FSTL5: variants seen among roughly 807,000 people sequenced by gnomAD.
FSTL5 encodes the protein follistatin like 5, also known as follistatin-related protein 5.
Under a neutral mutation model 89.1 loss-of-function variants are expected in FSTL5, and 62 were observed. That is an observed-to-expected ratio of 0.70 (90% CI 0.57 to 0.86). The LOEUF (loss-of-function observed/expected upper bound fraction) is 0.86. FSTL5 is among the 40% of genes least tolerant of loss of function. The pLI, the probability that FSTL5 is intolerant of heterozygous loss-of-function variation, is 0.00. For synonymous variants in FSTL5, 383 were observed against 346.2 expected (o/e 1.11, Z -1.18); for missense variants, 1,057 against 1,001.6 (o/e 1.06, Z -0.75).
At chr4:161,463,143 T>A (rs1348801929) in intron 13 of FSTL5, among the ~76,000 whole-genome samples, 1 of 152,122 alleles carries the variant, frequency 6.6e-6, no homozygotes, top group African/African-American at 2.4e-5. Context: ...AATTAGGATA[T>A]ACCTATTTGG....
intron 1 of FSTL5, among the ~76,000 whole-genome samples, chr4:162,116,830 C>A (rs1485073301): frequency 6.6e-6 from 1 of 152,202 alleles, no homozygotes; most frequent in African/African-American, 2.4e-5. Context: ...AAACTCCTCA[C>A]CCTGTCCTAG....
At chr4:161,832,769 C>G (rs1730890952) in intron 4 of FSTL5, among the ~76,000 whole-genome samples, 1 of 151,572 alleles carries the variant, frequency 6.6e-6, no homozygotes, top group South Asian at 2.1e-4. Context: ...ATTCTTCTCT[C>G]TTTTCTTCTT....
intron 3 of FSTL5, among the ~76,000 whole-genome samples, chr4:161,990,431 T>C (rs1050252808): frequency 9.3e-4 from 142 of 152,266 alleles, no homozygotes; most frequent in African/African-American, 3.1e-3. Flanking sequence ...ATTTAAAGCA[T>C]TTTAAATATG....
At chr4:161,992,865 T>A (rs1460260093) in intron 3 of FSTL5, among the ~76,000 whole-genome samples, 853 of 69,188 alleles carry the variant, frequency 0.012, 21 homozygotes, top group African/African-American at 0.036. Context: ...AAAAAAAATA[T>A]ATATATATAT....
intron 6 of FSTL5, among the ~76,000 whole-genome samples, chr4:161,662,039 G>A (rs1384139557): frequency 6.6e-6 from 1 of 152,028 alleles, no homozygotes; most frequent in Non-Finnish European, 1.5e-5. Flanking sequence ...AGCGATAACA[G>A]CAATACTTAG....
At chr4:161,976,230 G>A (rs775300416) in intron 3 of FSTL5, among the ~76,000 whole-genome samples, 8 of 152,102 alleles carry the variant, frequency 5.3e-5, no homozygotes, top group African/African-American at 7.2e-5. Context: ...CAGAAAGGCA[G>A]TAGATTACAG....
Position 162,100,553 on chromosome 4 carries a change from C to A in FSTL5, c.126+10718G>T, listed in dbSNP as rs571084537. ...AGAGGCAAAGCACAGATATTTAGGGCGATGAAACTATTTTGTCTGATACTA... is the reference window on the plus strand; with the variant it reads ...AGAGGCAAAGCACAGATATTTAGGGAGATGAAACTATTTTGTCTGATACTA... On this transcript the variant is annotated intron_variant, in intron 2 of 15. Transcript: ENST00000306100. 3.3e-5 allele frequency among the ~76,000 whole-genome samples: 5 copies of A among 152,080 alleles called. No homozygotes were observed. The East Asian group carries it at 9.7e-4, about 29-fold the overall frequency.
At chr4:161,569,914 A>G (rs1732949271) in intron 8 of FSTL5, among the ~76,000 whole-genome samples, 3 of 152,110 alleles carry the variant, frequency 2.0e-5, no homozygotes, top group Non-Finnish European at 4.4e-5. Context: ...GCAATCTAAC[A>G]ACAGAAGAAC....
intron 4 of FSTL5, among the ~76,000 whole-genome samples, chr4:161,778,506 C>T (rs1213851712): frequency 2.0e-5 from 3 of 152,092 alleles, no homozygotes; most frequent in Non-Finnish European, 2.9e-5. Context: ...CATTCTCTTT[C>T]GAGACAAAAT....
At chr4:161,551,196 AC>A (rs1405712812) in intron 8 of FSTL5, among the ~76,000 whole-genome samples, 1 of 149,746 alleles carries the variant, frequency 6.7e-6, no homozygotes, top group East Asian at 2.0e-4. Flanking sequence ...TTACAGTCCC[AC>A]CAACAGTGTA....
chr4:161,929,660 CGTGTGTGTGTGT>C (rs765281533), intron 3 of FSTL5, among the ~76,000 whole-genome samples: 14 of 126,934 alleles, frequency 1.1e-4, no homozygotes, highest in South Asian at 2.7e-4. Context: ...TAGGTAGGCA[CGTGTGTGTGTGT>C]GTGTGTGTGT....
chr4:161,820,092 C>T (rs905355462), intron 4 of FSTL5, among the ~76,000 whole-genome samples: 1 of 152,004 alleles, frequency 6.6e-6, no homozygotes, highest in Non-Finnish European at 1.5e-5. Context: ...TGCAATATAA[C>T]AGAAGTGTAA....
intron 11 of FSTL5, among the ~76,000 whole-genome samples, chr4:161,500,956 CT>C: frequency 6.6e-6 from 1 of 152,194 alleles, no homozygotes; most frequent in Admixed American, 6.6e-5. Context: ...TGCTTCTCCC[CT>C]GTTCCAATGT....
intron 10 of FSTL5, among the ~76,000 whole-genome samples, chr4:161,517,620 T>C (rs1730885785): frequency 1.0e-5 from 1 of 99,328 alleles, no homozygotes; most frequent in Admixed American, 1.2e-4. Context: ...TGAATGATGT[T>C]ATATAAGCAA....
intron 9 of FSTL5, 48 bp downstream of exon 9, chr4:161,542,484 A>C (rs1362824052): frequency 4.0e-6 from 5 of 1,244,860 alleles, no homozygotes; most frequent in Non-Finnish European, 5.3e-6. Flanking sequence ...TTTTAGTATA[A>C]ATTTTCAACA....
chr4:161,831,628 TG>T (rs201653425), intron 4 of FSTL5, among the ~76,000 whole-genome samples: 1 of 151,954 alleles, frequency 6.6e-6, no homozygotes, highest in East Asian at 1.9e-4. Flanking sequence ...TTCAATTTCT[TG>T]CTATTGAAAT....
intron 6 of FSTL5, among the ~76,000 whole-genome samples, chr4:161,752,514 A>G (rs1740432404): frequency 6.6e-6 from 1 of 152,122 alleles, no homozygotes; most frequent in Non-Finnish European, 1.5e-5. Flanking sequence ...TTCTGCCCTT[A>G]CATCTATATT....
intron 4 of FSTL5, among the ~76,000 whole-genome samples, chr4:161,902,929 A>C (rs561850719): frequency 6.6e-6 from 1 of 152,146 alleles, no homozygotes; most frequent in African/African-American, 2.4e-5. Flanking sequence ...CATATCTGCT[A>C]TCTTATGTTG....
intron 4 of FSTL5, among the ~76,000 whole-genome samples, chr4:161,801,715 C>T (rs1226694481): frequency 2.0e-5 from 3 of 150,602 alleles, no homozygotes; most frequent in Non-Finnish European, 4.4e-5. Flanking sequence ...TCTTATCTAG[C>T]TAATACACAT....
Sources: allele counts gnomAD v4.1 joint callset (sites outside exome capture counted in the v4.1 genomes callset), GRCh38; gene constraint gnomAD v4.1.1; transcripts MANE v1.5; gene names NCBI Gene and HGNC (gene_info 2026-07-23, HGNC 2026-07-21).